Variants in LPXN observed in about 807,000 individuals in gnomAD.
The protein encoded by LPXN is leupaxin.
Under a neutral mutation model 45.6 loss-of-function variants are expected in LPXN, and 28 were observed. The ratio of observed to expected loss-of-function variants is 0.61; its 90% confidence interval spans 0.45 to 0.84. The LOEUF is 0.84. Ranked by LOEUF, LPXN falls within the 40% of genes least tolerant of loss-of-function variation. The pLI is 0.00. For missense variants in LPXN, 459 were observed against 475.0 expected, an observed-to-expected ratio of 0.97 and a Z score of 0.31; for synonymous variants, 166 against 169.9, an observed-to-expected ratio of 0.98 and a Z score of 0.18.
intron 5 of LPXN, 28 bp from the exon 6 acceptor site, chr11:58,550,174 G>A: frequency 6.2e-7 from 1 of 1,605,210 alleles, no homozygotes; most frequent in Non-Finnish European, 8.5e-7. Flanking sequence ...GCCTGACACA[G>A]GAGGCCAGTT....
At chr11:58,561,024 A>G (rs1399845216) in intron 3 of LPXN, among the ~76,000 whole-genome samples, 1 of 152,224 alleles carries the variant, frequency 6.6e-6, no homozygotes, top group Non-Finnish European at 1.5e-5. Context: ...GCCAAAAGGT[A>G]TAAAAAGGTA....
intron 1 of LPXN, 123 bp from the exon 2 acceptor site, chr11:58,570,836 A>G: frequency 1.5e-6 from 1 of 652,770 alleles, no homozygotes. Context: ...GCTATTTTCA[A>G]ATACTTTCCC....
Position 58,555,976 on chromosome 11 carries a change from A to G in LPXN, c.219-1036T>C, listed in dbSNP as rs79396824. Among the ~76,000 whole-genome samples, 155 of 152,280 alleles carry G rather than the reference A, an allele frequency of 1.0e-3. 6 individuals carry two copies. The East Asian group carries it at 0.027, about 27-fold the overall frequency. On this transcript the variant is annotated intron_variant, in intron 3 of 8. Transcript: ENST00000395074. ...ATTAGTGAAACAGAAAACAAGAAATAAAACAAAAACTGACAGTTTTTGGGG... is the reference window on the plus strand; with the variant it reads ...ATTAGTGAAACAGAAAACAAGAAATGAAACAAAAACTGACAGTTTTTGGGG...
At chr11:58,564,230 C>G in intron 2 of LPXN, 29 bp from the exon 3 acceptor site, 1 of 1,525,892 alleles carries the variant, frequency 6.6e-7, no homozygotes, top group Middle Eastern at 1.7e-4. Context: ...AAGAGAAGAG[C>G]AAAGAATAAA....
chr11:58,555,997 T>C (rs1376388503), intron 3 of LPXN, among the ~76,000 whole-genome samples: 1 of 152,062 alleles, frequency 6.6e-6, no homozygotes, highest in Non-Finnish European at 1.5e-5. Context: ...TGACAGTTTT[T>C]GGGGGATCAT....
intron 7 of LPXN, among the ~76,000 whole-genome samples, chr11:58,529,636 A>T (rs1300271839): frequency 6.6e-6 from 1 of 151,860 alleles, no homozygotes; most frequent in Non-Finnish European, 1.5e-5. Context: ...TAAAAAAATT[A>T]AAATGGAAAA....
At chr11:58,555,021 C>A (rs1267283303) in intron 3 of LPXN, 81 bp from the exon 4 acceptor site, 14 of 868,278 alleles carry the variant, frequency 1.6e-5, no homozygotes, top group Non-Finnish European at 2.7e-5. Context: ...ACTGGAAATG[C>A]AACTGTAATA....
chr11:58,535,211 A>G (rs768458078), intron 7 of LPXN, among the ~76,000 whole-genome samples: 2 of 152,218 alleles, frequency 1.3e-5, no homozygotes, highest in African/African-American at 2.4e-5. Context: ...CGGCAGAGAC[A>G]CAACAAAAAA....
chr11:58,572,572 GTAAGTACT>G (rs1854739900), intron 1 of LPXN, among the ~76,000 whole-genome samples: 3 of 152,036 alleles, frequency 2.0e-5, no homozygotes, highest in Admixed American at 1.3e-4. Context: ...ATAATATCAA[GTAAGTACT>G]GTTTATTTTA....
At chr11:58,530,289 G>C (rs1853349225) in intron 7 of LPXN, among the ~76,000 whole-genome samples, 1 of 152,230 alleles carries the variant, frequency 6.6e-6, no homozygotes, top group African/African-American at 2.4e-5. Context: ...AGCAAGCTAA[G>C]ATCCACTGGC....
At chr11:58,550,267 T>G in intron 5 of LPXN, 121 bp from the exon 6 acceptor site, 1 of 897,784 alleles carries the variant, frequency 1.1e-6, no homozygotes, top group South Asian at 1.5e-5. Flanking sequence ...GCCCTGGAAT[T>G]ATACAACACT....
At chr11:58,568,602 CAA>C (rs34133979) in intron 2 of LPXN, among the ~76,000 whole-genome samples, 41 of 132,086 alleles carry the variant, frequency 3.1e-4, no homozygotes, top group Admixed American at 3.9e-4. Context: ...GACTCCATCT[CAA>C]AAAAAAAAAA....
intron 3 of LPXN, among the ~76,000 whole-genome samples, chr11:58,558,540 CAAAAAAAAAAAAA>C (rs35870490): frequency 4.2e-5 from 2 of 48,002 alleles, no homozygotes; most frequent in African/African-American, 1.5e-4. Context: ...GAGACCCTGT[CAAAAAAAAAAAAA>C]AAAAAAAAAA....
chr11:58,559,494 T>C (rs1376473345), intron 3 of LPXN, among the ~76,000 whole-genome samples: 1 of 152,178 alleles, frequency 6.6e-6, no homozygotes. Flanking sequence ...AACATGCAAC[T>C]GCTAAGCAGA....
intron 4 of LPXN, among the ~76,000 whole-genome samples, chr11:58,553,587 C>T (rs1854115930): frequency 6.6e-6 from 1 of 152,138 alleles, no homozygotes; most frequent in Non-Finnish European, 1.5e-5. Flanking sequence ...ATATGTGTTG[C>T]TCACGATGTA....
chr11:58,557,379 C>T (rs1423975574), intron 3 of LPXN, among the ~76,000 whole-genome samples: 1 of 151,894 alleles, frequency 6.6e-6, no homozygotes, highest in Non-Finnish European at 1.5e-5. Context: ...TATTAGTGAG[C>T]CTTAAAAAAA....
At chr11:58,575,928 TG>T, upstream of LPXN, 1 of 1,467,956 alleles carries the variant, frequency 6.8e-7, no homozygotes, top group Admixed American at 2.8e-5. Context: ...TCCTCTCTTT[TG>T]ATTTGGTGAG....
At chr11:58,553,235 C>T (rs1436807287) in intron 4 of LPXN, among the ~76,000 whole-genome samples, 1 of 150,242 alleles carries the variant, frequency 6.7e-6, no homozygotes, top group Non-Finnish European at 1.5e-5. Flanking sequence ...ACTCAGGAGG[C>T]TGAGGCACTA....
intron 7 of LPXN, among the ~76,000 whole-genome samples, chr11:58,536,918 C>T (rs539477856): frequency 1.3e-5 from 2 of 152,104 alleles, no homozygotes; most frequent in Admixed American, 1.3e-4. Flanking sequence ...AAAAGCTCAT[C>T]ATCACTGGTC....
Sources: allele counts gnomAD v4.1 joint callset (sites outside exome capture counted in the v4.1 genomes callset), GRCh38; gene constraint gnomAD v4.1.1; transcripts MANE v1.5; gene names NCBI Gene and HGNC (gene_info 2026-07-23, HGNC 2026-07-21).